Variants in TRPC6 observed in about 807,000 individuals in gnomAD.
TRPC6 encodes transient receptor potential cation channel subfamily C member 6, also known as short transient receptor potential channel 6.
In TRPC6, 55 loss-of-function variants were observed where a neutral mutation model predicts 90.7. That is an observed-to-expected ratio of 0.61 (90% CI 0.49 to 0.76). TRPC6 has a LOEUF of 0.76. TRPC6 is among the 30% of genes least tolerant of loss of function. The probability of loss-of-function intolerance (pLI) is 0.00; values close to 1 mark genes in which losing one functional copy is unlikely to be tolerated. For missense variants in TRPC6, 989 were observed against 1,122.7 expected, an observed-to-expected ratio of 0.88 and a Z score of 1.70; for synonymous variants, 393 against 393.0, an observed-to-expected ratio of 1.00 and a Z score of 0.00.
intron 1 of TRPC6, among the ~76,000 whole-genome samples, chr11:101,530,373 A>G (rs190828366): frequency 1.3e-5 from 2 of 152,148 alleles, no homozygotes; most frequent in Admixed American, 6.5e-5. Context: ...GTGCCCTTCA[A>G]TTGTGATCCG....
At chr11:101,535,101 G>C (rs1382202969) in intron 1 of TRPC6, among the ~76,000 whole-genome samples, 3 of 152,058 alleles carry the variant, frequency 2.0e-5, no homozygotes, top group Non-Finnish European at 2.9e-5. Context: ...GGGAGGCAGA[G>C]GTTGCAGTGA....
intron 1 of TRPC6, among the ~76,000 whole-genome samples, chr11:101,510,285 T>G (rs1860367605): frequency 6.6e-6 from 1 of 152,160 alleles, no homozygotes; most frequent in African/African-American, 2.4e-5. Context: ...GTTACTAGAT[T>G]ATATTACAAA....
intron 2 of TRPC6, among the ~76,000 whole-genome samples, chr11:101,495,982 T>C (rs1045737356): frequency 2.6e-5 from 4 of 152,124 alleles, no homozygotes; most frequent in African/African-American, 9.7e-5. Flanking sequence ...CATGGTTCTA[T>C]GGGCTATACA....
intron 2 of TRPC6, among the ~76,000 whole-genome samples, chr11:101,498,174 A>G (rs1859998280): frequency 6.6e-6 from 1 of 152,128 alleles, no homozygotes; most frequent in Non-Finnish European, 1.5e-5. Context: ...TGGTATCAAA[A>G]CCAGTCAAAG....
At chr11:101,539,639 T>C (rs544345762) in intron 1 of TRPC6, among the ~76,000 whole-genome samples, 1 of 152,370 alleles carries the variant, frequency 6.6e-6, no homozygotes, top group African/African-American at 2.4e-5. Context: ...AAAACTATGC[T>C]TCTTTTACCA....
At chr11:101,471,157 A>G (rs1565206611) in intron 9 of TRPC6, 26 bp downstream of exon 9, 2 of 1,611,126 alleles carry the variant, frequency 1.2e-6, no homozygotes, top group Admixed American at 3.3e-5. Context: ...TTAAGAATAC[A>G]ATGATAACTT....
At chr11:101,532,093 T>C (rs536220064) in intron 1 of TRPC6, among the ~76,000 whole-genome samples, 5 of 152,286 alleles carry the variant, frequency 3.3e-5, no homozygotes, top group East Asian at 1.9e-4. Flanking sequence ...AGCAACAACA[T>C]TGTACAGTTG....
chr11:101,463,805 T>A (rs1859067612), intron 10 of TRPC6, among the ~76,000 whole-genome samples: 1 of 152,234 alleles, frequency 6.6e-6, no homozygotes, highest in Non-Finnish European at 1.5e-5. Context: ...CTCTAGCTCC[T>A]TCAGTTCTGC....
intron 1 of TRPC6, among the ~76,000 whole-genome samples, chr11:101,537,473 A>T (rs959026985): frequency 1.3e-5 from 2 of 152,086 alleles, no homozygotes; most frequent in African/African-American, 4.8e-5. Context: ...TCTCTTTCAA[A>T]AACACTTGTC....
At chr11:101,461,864 T>C (rs1229148223) in intron 10 of TRPC6, among the ~76,000 whole-genome samples, 1 of 152,138 alleles carries the variant, frequency 6.6e-6, no homozygotes, top group Non-Finnish European at 1.5e-5. Context: ...ACCAACATGA[T>C]TTCACCAAGG....
Position 101,504,397 on chromosome 11 carries a change from C to T in TRPC6, c.572G>A (p.Arg191Lys). The T allele has an allele frequency of 1.2e-6, 2 of 1,614,092 alleles. No homozygotes were observed. The highest frequency in any genetic ancestry group is 1.7e-6 in the Non-Finnish European group (2 of 1,180,010). The change falls in exon 2 of 13, where the codon AGG becomes AAG. Residue 191 changes from arginine to lysine, a missense_variant. Physicochemically the swap from Arg to Lys is conservative, Grantham distance 26 (BLOSUM62 2). Around this residue, in one of 4 missense-constraint regions of TRPC6, gnomAD observed 486 missense variants for 591.9 expected, o/e 0.82. Transcript: ENST00000344327. ...LSHPAFAEGK[R>K]LATSPSQSEL... ...AGACTGGCTAGGGCTGGTTGCTAAC[C>T]TCTTGCCTTCAGCAAAAGCCGGATG...
chr11:101,508,564 T>C (rs1279230478), intron 1 of TRPC6, among the ~76,000 whole-genome samples: 2 of 152,182 alleles, frequency 1.3e-5, no homozygotes, highest in African/African-American at 2.4e-5. Flanking sequence ...CTAACCTCTT[T>C]AGGCTTTCAC....
At chr11:101,469,030 C>A (rs567380358) in intron 10 of TRPC6, among the ~76,000 whole-genome samples, 5 of 152,264 alleles carry the variant, frequency 3.3e-5, no homozygotes, top group Non-Finnish European at 5.9e-5. Flanking sequence ...TCCCACAGTG[C>A]CTTTTTCCAT....
chr11:101,548,792 A>C (rs759694542), intron 1 of TRPC6, among the ~76,000 whole-genome samples: 3 of 152,040 alleles, frequency 2.0e-5, no homozygotes, highest in Non-Finnish European at 4.4e-5. Context: ...ATTTGCTAAA[A>C]TGCAAGATTT....
intron 1 of TRPC6, among the ~76,000 whole-genome samples, chr11:101,541,437 C>A (rs1861170875): frequency 6.6e-6 from 1 of 152,212 alleles, no homozygotes; most frequent in African/African-American, 2.4e-5. Context: ...TCTCGGCTCA[C>A]TGCAACCTCC....
At chr11:101,566,279 A>T (rs1861827085) in intron 1 of TRPC6, among the ~76,000 whole-genome samples, 1 of 152,104 alleles carries the variant, frequency 6.6e-6, no homozygotes, top group African/African-American at 2.4e-5. Context: ...TTCTTTTCTA[A>T]CTTTCTTGAT....
At chr11:101,490,755 C>A (rs142422309) in intron 3 of TRPC6, among the ~76,000 whole-genome samples, 2,062 of 152,294 alleles carry the variant, frequency 0.014, 20 homozygotes, top group Non-Finnish European at 0.023. Flanking sequence ...TGTGCCCGGC[C>A]AGCTTTTTAA....
Position 101,476,521 on chromosome 11 carries a change from A to G in TRPC6, c.1524T>C (p.Ala508=), listed in dbSNP as rs1271856243. 1.9e-6 allele frequency: 3 copies of G among 1,613,810 alleles called. No individual in the cohort carries two copies. Among genetic ancestry groups the G allele is most frequent in the African/African-American group, 2.7e-5 (2 of 74,916 alleles). ...IISWVIGMIW[A]ECKEIWTQGP... The stretch of plus-strand genomic sequence containing the variant: ...CCTGAGTCCAGATTTCTTTACATTC[A>G]GCCCATATCATGCCTGCATCAGAAA... The change falls in exon 6 of 13, where the codon GCT becomes GCC. Residue 508 remains alanine (A), a synonymous_variant. Coordinates refer to ENST00000344327, the MANE Select transcript of TRPC6 (RefSeq NM_004621.6).
intron 10 of TRPC6, among the ~76,000 whole-genome samples, chr11:101,467,557 C>T (rs1477945924): frequency 2.0e-5 from 3 of 152,200 alleles, no homozygotes; most frequent in Non-Finnish European, 4.4e-5. Flanking sequence ...GTACAACACA[C>T]ACAGGCATGC....
Sources: gnomAD v4.1 joint callset for allele counts (sites outside exome capture counted in the v4.1 genomes callset) on GRCh38, gnomAD v4.1.1 for gene constraint, gnomAD v4.1.1 regional missense constraint, MANE v1.5 for transcripts, NCBI Gene and HGNC (gene_info 2026-07-23, HGNC 2026-07-21) for gene names.